The following TJP1 variants were observed in gnomAD, a reference collection of about 807,000 sequenced individuals.
TJP1 encodes tight junction protein 1.
TJP1 carries 43 observed loss-of-function variants against 194.2 expected under a neutral mutation model. The observed-to-expected ratio is 0.22, with a 90% CI of 0.17 to 0.29. The LOEUF is 0.29. TJP1 is among the 10% of genes least tolerant of loss of function. The pLI is 1.00. For synonymous variants in TJP1, 801 were observed against 779.0 expected, an observed-to-expected ratio of 1.03 and a Z score of -0.47; for missense variants, 1,971 against 2,185.7, an observed-to-expected ratio of 0.90 and a Z score of 1.96.
chr15:29,833,311 A>G (rs981807676), intron 2 of TJP1, among the ~76,000 whole-genome samples: 38 of 152,328 alleles, frequency 2.5e-4, no homozygotes, highest in Admixed American at 2.4e-3. Context: ...AGTTAATCTT[A>G]GTATCATTAG....
chr15:29,906,343 C>G (rs1468718753), intron 2 of TJP1, among the ~76,000 whole-genome samples: 1 of 151,752 alleles, frequency 6.6e-6, no homozygotes, highest in African/African-American at 2.4e-5. Flanking sequence ...TGTCATGATG[C>G]ACGCCTGTAA....
intron 26 of TJP1, 111 bp downstream of exon 26, chr15:29,705,417 C>G: frequency 8.8e-7 from 1 of 1,141,420 alleles, no homozygotes; most frequent in Non-Finnish European, 1.3e-6. Flanking sequence ...CTACAGCACT[C>G]ATCTGGAGAT....
chr15:29,853,132 A>C (rs926386656), intron 2 of TJP1, among the ~76,000 whole-genome samples: 1 of 152,244 alleles, frequency 6.6e-6, no homozygotes, highest in Non-Finnish European at 1.5e-5. Context: ...GTTGAGTAAA[A>C]TAAGCCAATC....
In TJP1 at chr15:29,733,208, T is replaced by C; in HGVS notation, c.1622A>G (p.Glu541Gly). Residue 541 changes from glutamate to glycine, a missense_variant, in exon 13 of 28, where the codon GAG (glutamate) becomes GGG (glycine). Physicochemically the swap from Glu to Gly is moderately conservative, Grantham distance 98 (BLOSUM62 -2). Transcript: ENST00000614355. Reference sequence around the variant, plus strand: ...CAAGGTATCCACAACACGGAACACCTCTCCTTTGTTAAAACTAAGTCCATA... The same window carrying C: ...CAAGGTATCCACAACACGGAACACCCCTCCTTTGTTAAAACTAAGTCCATA... ...SPYGLSFNKGEVFRVVDTLYN... is the reference protein window; with the variant it reads ...SPYGLSFNKGGVFRVVDTLYN... The C allele has an allele frequency of 8.7e-6, 14 of 1,614,078 alleles. No homozygotes were observed. Among genetic ancestry groups the C allele is most frequent in the Non-Finnish European group, 1.2e-5 (14 of 1,179,974 alleles).
chr15:29,855,299 G>A (rs561814719), intron 2 of TJP1, among the ~76,000 whole-genome samples: 1 of 152,310 alleles, frequency 6.6e-6, no homozygotes, highest in South Asian at 2.1e-4. Context: ...TCAAGATGCT[G>A]ACAAGTTTGA....
chr15:29,723,788 T>A (rs1248293670), intron 18 of TJP1, among the ~76,000 whole-genome samples: 1 of 152,250 alleles, frequency 6.6e-6, no homozygotes, highest in Admixed American at 6.5e-5. Context: ...GTTGATTATC[T>A]TCTGAGTAGA....
intron 5 of TJP1, among the ~76,000 whole-genome samples, chr15:29,765,888 TAAC>T (rs995030475): frequency 6.6e-6 from 1 of 151,812 alleles, no homozygotes; most frequent in Admixed American, 6.6e-5. Flanking sequence ...CCAGACCTTG[TAAC>T]AACAACAAAA....
intron 18 of TJP1, among the ~76,000 whole-genome samples, chr15:29,724,166 A>T (rs577841900): frequency 6.6e-6 from 1 of 151,934 alleles, no homozygotes; most frequent in African/African-American, 2.4e-5. Context: ...TTGGCTCGTT[A>T]AGACTCTGAC....
intron 2 of TJP1, among the ~76,000 whole-genome samples, chr15:29,951,081 G>C (rs1431549152): frequency 6.6e-6 from 1 of 152,112 alleles, no homozygotes; most frequent in Admixed American, 6.6e-5. Context: ...TTACATGAGG[G>C]GTTGAGGGAG....
intron 2 of TJP1, among the ~76,000 whole-genome samples, chr15:29,943,628 C>CAAA (rs71103417): frequency 7.5e-4 from 38 of 51,004 alleles, no homozygotes; most frequent in East Asian, 1.1e-3. Flanking sequence ...GACTCCATCT[C>CAAA]AAAAAAAAAA....
intron 2 of TJP1, among the ~76,000 whole-genome samples, chr15:29,916,177 G>A (rs2054178217): frequency 6.6e-6 from 1 of 151,028 alleles, no homozygotes; most frequent in Non-Finnish European, 1.5e-5. Context: ...CTCGGGAGGT[G>A]GAGGTTGCAG....
chr15:29,854,173 A>G (rs779760697), intron 2 of TJP1, among the ~76,000 whole-genome samples: 1 of 152,220 alleles, frequency 6.6e-6, no homozygotes, highest in Non-Finnish European at 1.5e-5. Context: ...CCATATAAAA[A>G]TACCAAAAAA....
At chr15:29,699,708 G>T (rs1007494137), downstream of TJP1, 3 of 152,294 alleles carry the variant, frequency 2.0e-5, no homozygotes, top group African/African-American at 7.2e-5. Context: ...TAAGTAAGTA[G>T]GATGTCCACA....
At chr15:29,921,621 T>C (rs2054361401) in intron 2 of TJP1, among the ~76,000 whole-genome samples, 1 of 152,220 alleles carries the variant, frequency 6.6e-6, no homozygotes. Flanking sequence ...TCTCCCCTGC[T>C]GGATCCCCTC....
At chr15:29,730,595 TG>T (rs541858634) in intron 15 of TJP1, 4 of 525,630 alleles carry the variant, frequency 7.6e-6, no homozygotes, top group South Asian at 6.5e-5. Flanking sequence ...ACTCTGTCTC[TG>T]AAAAAAAAAA....
intron 1 of TJP1, among the ~76,000 whole-genome samples, chr15:29,801,487 A>G (rs2048780650): frequency 6.9e-6 from 1 of 144,258 alleles, no homozygotes. Context: ...TTTGAGACGG[A>G]GTCTCGCTCT....
upstream of TJP1, among the ~76,000 whole-genome samples, chr15:29,827,275 C>G (rs887725152): frequency 6.6e-6 from 1 of 152,214 alleles, no homozygotes; most frequent in African/African-American, 2.4e-5. Flanking sequence ...TCAAAGTCCC[C>G]AAACCCTGTC....
Position 29,921,857 on chromosome 15 carries a change from TC to T in TJP1, c.306+34374del, listed in dbSNP as rs371152577. On this transcript the variant is annotated intron_variant, in intron 2 of 28. Transcript: ENST00000356107. The stretch of plus-strand genomic sequence containing the variant: ...TCTTTTTCTTTCTTTCTTTTTTTTT[TC>T]TCCATGACGGAGTTTTGCTCTCGTT... Among the ~76,000 whole-genome samples, 139 of 151,776 alleles carry T rather than the reference TC, an allele frequency of 9.2e-4. 2 individuals carry two copies. Among genetic ancestry groups the T allele is most frequent in the African/African-American group, 3.2e-3 (134 of 41,434 alleles).
chr15:29,882,398 T>G (rs770868444), intron 2 of TJP1, among the ~76,000 whole-genome samples: 7 of 152,194 alleles, frequency 4.6e-5, no homozygotes, highest in Non-Finnish European at 1.0e-4. Flanking sequence ...AAGGACTTCC[T>G]GGCAACACTT....
Sources: allele counts gnomAD v4.1 joint callset (sites outside exome capture counted in the v4.1 genomes callset), GRCh38; gene constraint gnomAD v4.1.1; transcripts MANE v1.5; gene names NCBI Gene and HGNC (gene_info 2026-07-23, HGNC 2026-07-21).